BTBD1: variants seen among roughly 807,000 people sequenced by gnomAD.
BTBD1 encodes BTB domain containing 1.
BTBD1 carries 34 observed loss-of-function variants against 48.0 expected under a neutral mutation model. That is an observed-to-expected ratio of 0.71 (90% CI 0.54 to 0.94). BTBD1 has a LOEUF of 0.94. Ranked by LOEUF, BTBD1 falls within the 40% of genes least tolerant of loss-of-function variation. BTBD1 has a pLI of 0.00. For synonymous variants in BTBD1, 261 were observed against 242.1 expected, an observed-to-expected ratio of 1.08 and a Z score of -0.72; for missense variants, 543 against 625.6, an observed-to-expected ratio of 0.87 and a Z score of 1.41.
At chr15:83,051,770 G>C (rs919474675) in intron 2 of BTBD1, among the ~76,000 whole-genome samples, 2 of 150,922 alleles carry the variant, frequency 1.3e-5, no homozygotes, top group Non-Finnish European at 2.9e-5. Context: ...CAAATTTATA[G>C]AAAAGTTGAA....
At chr15:83,059,470 G>A (rs540176795) in intron 1 of BTBD1, among the ~76,000 whole-genome samples, 15 of 152,296 alleles carry the variant, frequency 9.8e-5, no homozygotes, top group South Asian at 6.2e-4. Context: ...ACTTGAACCC[G>A]GGCAGCAGGG....
chr15:83,044,451 G>A (rs2032835146), intron 3 of BTBD1: 3 of 1,575,950 alleles, frequency 1.9e-6, no homozygotes, highest in Non-Finnish European at 8.7e-7. Context: ...AGGAGGAGTG[G>A]GAACTGCTTT....
At position 83,056,449 on chromosome 15, in the gene BTBD1, G is replaced by T. The variant is rs777017744; in HGVS notation, c.498C>A (p.His166Gln). 4.6e-5 allele frequency: 74 copies of T among 1,613,290 alleles called. No homozygotes were observed. The highest frequency in any genetic ancestry group is 5.9e-5 in the Non-Finnish European group (70 of 1,179,420). The change falls in exon 2 of 8, where the codon CAC becomes CAA. Residue 166 changes from histidine to glutamine, a missense_variant. His to Gln is a conservative substitution (Grantham distance 24). Transcript: ENST00000261721. ...KKYAVPALEA[H>Q]CVEFLTKHLR... ...GATGTTTGGTGAGAAATTCTACACA[G>T]TGTGCTTCCAAGGCTGGGACTGCGT...
At chr15:83,018,626 G>T in intron 7 of BTBD1, 81 bp downstream of exon 7, 1 of 1,504,328 alleles carries the variant, frequency 6.6e-7, no homozygotes, top group Non-Finnish European at 9.0e-7. Context: ...TGGCTCAGCT[G>T]TCAGTGACTC....
At chr15:83,048,297 T>C (rs535925785) in intron 3 of BTBD1, among the ~76,000 whole-genome samples, 31 of 152,294 alleles carry the variant, frequency 2.0e-4, no homozygotes, top group African/African-American at 6.3e-4. Flanking sequence ...GAGGAATCAA[T>C]GGTTCTCCTT....
intron 5 of BTBD1, among the ~76,000 whole-genome samples, chr15:83,029,021 A>C (rs1039860040): frequency 6.6e-6 from 1 of 152,132 alleles, no homozygotes; most frequent in Non-Finnish European, 1.5e-5. Flanking sequence ...GAATGCTTAA[A>C]TCATTTATTT....
intron 1 of BTBD1, among the ~76,000 whole-genome samples, chr15:83,059,627 G>A (rs2033145658): frequency 2.6e-5 from 4 of 152,200 alleles, no homozygotes; most frequent in South Asian, 2.1e-4. Flanking sequence ...TTGTCACTCC[G>A]GGTGGAGAGT....
intron 2 of BTBD1, among the ~76,000 whole-genome samples, chr15:83,055,575 T>A (rs2033069085): frequency 6.6e-6 from 1 of 152,224 alleles, no homozygotes; most frequent in South Asian, 2.1e-4. Flanking sequence ...TGTAGTTTTC[T>A]ATATGGATCC....
At position 83,051,873 on chromosome 15, in the gene BTBD1, T is replaced by TACACAC. The variant is rs766997533; in HGVS notation, c.559-1696_559-1695insGTGTGT. Among the ~76,000 whole-genome samples the TACACAC allele has an allele frequency of 7.2e-4, 17 of 23,686 alleles. No individual in the cohort carries two copies. The East Asian group carries it at 0.029, about 41-fold the overall frequency. The allele number at this position is 23,686 out of a possible 152,430, so 15.5% of individuals were successfully genotyped here. A position where few individuals can be genotyped will look rare whatever the true frequency, so the allele number is the denominator to read the frequency against. On this transcript the variant is annotated intron_variant, in intron 2 of 7. Transcript: ENST00000261721. ...CTCATTTATTAATTTTTTTTCCATA[T>TACACAC]ATATACACACACACACACACACACA...
rs543267154 is a variant in BTBD1, at chr15:83,034,850, T to C, written c.863-4522A>G. ...ATAGAACAAAAAGCAAATCAATAGATAGATACATAGAAAATTTGAAGATCA... is the reference window on the plus strand; with the variant it reads ...ATAGAACAAAAAGCAAATCAATAGACAGATACATAGAAAATTTGAAGATCA... On this transcript the variant is annotated intron_variant, in intron 4 of 7. Coordinates refer to ENST00000261721, the MANE Select transcript of BTBD1 (RefSeq NM_025238.4). Among the ~76,000 whole-genome samples the C allele has an allele frequency of 5.9e-5, 9 of 152,294 alleles. No homozygotes were observed. The East Asian group carries it at 1.5e-3, about 26-fold the overall frequency.
Position 83,018,043 on chromosome 15 carries a change from G to GC in BTBD1, c.*23dup. On this transcript the variant is annotated 3_prime_UTR_variant, in exon 8 of 8. Transcript: ENST00000261721. ...ACACTAGATTGTATGGTATTATTTA[G>GC]CCAAGATGTATTATAATGCTAAATT... 6.5e-7 allele frequency: 1 copy of GC among 1,534,112 alleles called. No homozygotes were observed. Among genetic ancestry groups the GC allele is most frequent in the Non-Finnish European group, 8.9e-7 (1 of 1,123,502 alleles).
chr15:83,055,129 G>C (rs552078730), intron 2 of BTBD1, among the ~76,000 whole-genome samples: 1 of 152,212 alleles, frequency 6.6e-6, no homozygotes, highest in South Asian at 2.1e-4. Context: ...AAAAACTGTT[G>C]ATATACAAAG....
chr15:83,055,171 T>C (rs759372728), intron 2 of BTBD1, among the ~76,000 whole-genome samples: 10 of 152,162 alleles, frequency 6.6e-5, no homozygotes, highest in Admixed American at 6.5e-4. Flanking sequence ...ATATAACAAA[T>C]GCTAAATACT....
chr15:83,052,431 T>C (rs917282929), intron 2 of BTBD1, among the ~76,000 whole-genome samples: 3 of 152,120 alleles, frequency 2.0e-5, no homozygotes, highest in Admixed American at 6.5e-5. Context: ...TACATAATCA[T>C]AGTAATTAAT....
In BTBD1 at chr15:83,017,957, TCTTAC is replaced by T. The variant is rs1437663725; in HGVS notation, c.*105_*109del. On this transcript the variant is annotated 3_prime_UTR_variant, in exon 8 of 8. Transcript: ENST00000261721. ...ATCTGCTCTAAGAAACTGTTTCTTA[TCTTAC>T]AATTTTAAATATTCATAACACTCAA... is the stretch of plus-strand genomic sequence containing the variant. 1.3e-5 allele frequency: 8 copies of T among 637,704 alleles called. No homozygotes were observed. The highest frequency in any genetic ancestry group is 2.0e-5 in the Non-Finnish European group (8 of 402,284). The allele number at this position is 637,704 out of a possible 1,614,324, so 39.5% of individuals were successfully genotyped here.
At chr15:83,038,867 T>C (rs1436763163) in intron 4 of BTBD1, among the ~76,000 whole-genome samples, 1 of 152,172 alleles carries the variant, frequency 6.6e-6, no homozygotes, top group Non-Finnish European at 1.5e-5. Flanking sequence ...CCTTTCACCA[T>C]ACATAAAAAT....
intron 2 of BTBD1, among the ~76,000 whole-genome samples, chr15:83,052,727 T>C (rs1373354153): frequency 6.9e-6 from 1 of 145,738 alleles, no homozygotes; most frequent in African/African-American, 2.5e-5. Context: ...GCCTCCCGGG[T>C]TCACACCATT....
At chr15:83,042,314 T>C (rs978565918) in intron 3 of BTBD1, among the ~76,000 whole-genome samples, 1 of 145,500 alleles carries the variant, frequency 6.9e-6, no homozygotes, top group Non-Finnish European at 1.5e-5. Context: ...ATATTTATTA[T>C]TAAGCACTAC....
At chr15:83,031,594 C>G (rs2032517123) in intron 4 of BTBD1, among the ~76,000 whole-genome samples, 1 of 152,050 alleles carries the variant, frequency 6.6e-6, no homozygotes, top group Non-Finnish European at 1.5e-5. Context: ...CACTTGGACA[C>G]AGGAAGGGGA....
Sources: gnomAD v4.1 joint callset for allele counts (sites outside exome capture counted in the v4.1 genomes callset) on GRCh38, gnomAD v4.1.1 for gene constraint, MANE v1.5 for transcripts, NCBI Gene and HGNC (gene_info 2026-07-23, HGNC 2026-07-21) for gene names.